The following JAZF1 variants were observed in gnomAD, a reference collection of about 807,000 sequenced individuals.
JAZF1 encodes the protein JAZF zinc finger 1.
JAZF1 carries 8 observed loss-of-function variants against 26.4 expected under a neutral mutation model. The ratio of observed to expected loss-of-function variants is 0.30; its 90% CI spans 0.18 to 0.55. The LOEUF is 0.55. JAZF1 is among the 20% of genes least tolerant of loss of function. JAZF1 has a pLI of 0.94. For missense variants in JAZF1, 199 were observed against 322.0 expected, an observed-to-expected ratio of 0.62 and a Z score of 2.92; for synonymous variants, 126 against 122.3, an observed-to-expected ratio of 1.03 and a Z score of -0.20.
chr7:28,006,346 GCAACAGAGCA>G (rs1308393197), intron 1 of JAZF1, among the ~76,000 whole-genome samples: 1 of 151,970 alleles, frequency 6.6e-6, no homozygotes, highest in African/African-American at 2.4e-5. Context: ...TCCAGCCTGG[GCAACAGAGCA>G]AGACTGTGTC....
At chr7:28,049,226 G>A (rs796845104) in intron 1 of JAZF1, among the ~76,000 whole-genome samples, 6 of 151,626 alleles carry the variant, frequency 4.0e-5, no homozygotes, top group African/African-American at 1.5e-4. Context: ...GGGATTACAG[G>A]TGCCCACCAC....
At chr7:27,908,554 G>T (rs961998039) in intron 2 of JAZF1, among the ~76,000 whole-genome samples, 21 of 152,154 alleles carry the variant, frequency 1.4e-4, no homozygotes, top group African/African-American at 4.3e-4. Flanking sequence ...TTGGACTAAG[G>T]TTCTGCACTA....
intron 2 of JAZF1, among the ~76,000 whole-genome samples, chr7:27,989,877 G>A (rs945730416): frequency 3.9e-5 from 6 of 152,184 alleles, no homozygotes; most frequent in South Asian, 2.1e-4. Flanking sequence ...ACAGTGTGGC[G>A]ATTCCTCAGG....
intron 1 of JAZF1, among the ~76,000 whole-genome samples, chr7:28,063,704 G>A (rs2128383235): frequency 6.6e-6 from 1 of 152,204 alleles, no homozygotes; most frequent in East Asian, 1.9e-4. Flanking sequence ...AGAAAAGAAT[G>A]ATATGTATTA....
intron 1 of JAZF1, among the ~76,000 whole-genome samples, chr7:28,111,685 T>A (rs1784663466): frequency 6.6e-6 from 1 of 152,242 alleles, no homozygotes; most frequent in African/African-American, 2.4e-5. Context: ...AGGATATTGT[T>A]ACTTATTATT....
At chr7:28,131,296 G>T (rs1376146690) in intron 1 of JAZF1, among the ~76,000 whole-genome samples, 1 of 150,884 alleles carries the variant, frequency 6.6e-6, no homozygotes, top group African/African-American at 2.5e-5. Flanking sequence ...CCCTTAAAAT[G>T]AGTGTTCTCT....
In JAZF1 at chr7:28,101,576, T is replaced by TAAAAAAAAA. The variant is rs56321937; in HGVS notation, c.115+78878_115+78886dup. Among the ~76,000 whole-genome samples, 2 of 97,998 alleles carry TAAAAAAAAA rather than the reference T, an allele frequency of 2.0e-5. 1 individual carries two copies. Among genetic ancestry groups the TAAAAAAAAA allele is most frequent in the Non-Finnish European group, 3.8e-5 (2 of 52,488 alleles). The allele number at this position is 97,998 out of a possible 152,430, so 64.3% of individuals were successfully genotyped here. A position where few individuals can be genotyped will look rare whatever the true frequency, so the allele number is the denominator to read the frequency against. ...AGCATAATGAGACTCATTTCTATAT[T>TAAAAAAAAA]AAAAAAAAAAAAAAAAAAAAAGCCT... On this transcript the variant is annotated intron_variant, in intron 1 of 4. Coordinates refer to ENST00000283928, the MANE Select transcript of JAZF1 (RefSeq NM_175061.4).
chr7:28,082,952 A>G (rs1375821223), intron 1 of JAZF1, among the ~76,000 whole-genome samples: 2 of 152,058 alleles, frequency 1.3e-5, no homozygotes, highest in African/African-American at 4.8e-5. Flanking sequence ...AACTCCTCCA[A>G]CTGGGATTGC....
At chr7:27,973,323 T>G (rs1785412423) in intron 2 of JAZF1, among the ~76,000 whole-genome samples, 1 of 152,158 alleles carries the variant, frequency 6.6e-6, no homozygotes, top group South Asian at 2.1e-4. Context: ...TATTATTTTC[T>G]GAGACAGGGT....
intron 1 of JAZF1, among the ~76,000 whole-genome samples, chr7:27,997,597 C>A (rs1489543492): frequency 6.6e-6 from 1 of 152,174 alleles, no homozygotes; most frequent in African/African-American, 2.4e-5. Context: ...CAAAGTCTTG[C>A]TCTATTGCTC....
chr7:28,150,193 C>A (rs1057432990), intron 1 of JAZF1, among the ~76,000 whole-genome samples: 1 of 152,162 alleles, frequency 6.6e-6, no homozygotes, highest in Non-Finnish European at 1.5e-5. Flanking sequence ...CAGGGTACTG[C>A]TTCAGGGAAT....
At chr7:27,891,560 C>T (rs551115320) in intron 3 of JAZF1, among the ~76,000 whole-genome samples, 1 of 152,354 alleles carries the variant, frequency 6.6e-6, no homozygotes, top group South Asian at 2.1e-4. Context: ...TATATGGTGG[C>T]CCCTGCCTGT....
intron 2 of JAZF1, among the ~76,000 whole-genome samples, chr7:27,919,302 T>C (rs1226843699): frequency 6.6e-6 from 1 of 152,202 alleles, no homozygotes; most frequent in Admixed American, 6.5e-5. Flanking sequence ...TTTGAGCTCT[T>C]AGGAGAGAAA....
At chr7:27,885,926 T>C (rs1035823017) in intron 3 of JAZF1, among the ~76,000 whole-genome samples, 2 of 152,282 alleles carry the variant, frequency 1.3e-5, no homozygotes, top group East Asian at 3.9e-4. Flanking sequence ...GGATTCAGCT[T>C]AGAGCAAAAA....
At chr7:28,112,381 C>A (rs1415930392) in intron 1 of JAZF1, among the ~76,000 whole-genome samples, 3 of 152,120 alleles carry the variant, frequency 2.0e-5, no homozygotes, top group Non-Finnish European at 1.5e-5. Flanking sequence ...TCTCCATTTT[C>A]TTTTTATTTT....
At chr7:28,166,045 C>A (rs1173083037) in intron 1 of JAZF1, among the ~76,000 whole-genome samples, 2 of 151,788 alleles carry the variant, frequency 1.3e-5, no homozygotes, top group East Asian at 1.9e-4. Context: ...TTTTGTTAGA[C>A]AAAATCTTTC....
chr7:27,993,935 A>G (rs1785958302), intron 1 of JAZF1, among the ~76,000 whole-genome samples: 1 of 152,220 alleles, frequency 6.6e-6, no homozygotes, highest in African/African-American at 2.4e-5. Flanking sequence ...AAACATTTTT[A>G]TAATCATTTG....
chr7:27,846,271 ATAG>A (rs761513589), intron 3 of JAZF1, among the ~76,000 whole-genome samples: 2 of 152,062 alleles, frequency 1.3e-5, no homozygotes, highest in Non-Finnish European at 1.5e-5. Context: ...GTTGTGGCAA[ATAG>A]TAGGATCTCC....
At chr7:27,976,366 A>G (rs932401993) in intron 2 of JAZF1, among the ~76,000 whole-genome samples, 5 of 133,396 alleles carry the variant, frequency 3.7e-5, no homozygotes, top group Middle Eastern at 7.7e-3. Context: ...AAAAAAAAAA[A>G]AAGAATATAT....
Sources: gnomAD v4.1 joint callset for allele counts (sites outside exome capture counted in the v4.1 genomes callset) on GRCh38, gnomAD v4.1.1 for gene constraint, MANE v1.5 for transcripts, NCBI Gene and HGNC (gene_info 2026-07-23, HGNC 2026-07-21) for gene names.